FANCC: variants seen among roughly 807,000 people sequenced by gnomAD.
The protein encoded by FANCC is Fanconi anemia group C protein.
FANCC carries 55 observed loss-of-function variants against 71.3 expected under a neutral mutation model. The observed-to-expected ratio is 0.77, with a 90% CI of 0.62 to 0.97. The LOEUF (loss-of-function observed/expected upper bound fraction) is 0.97, where lower values mean the gene tolerates loss of function less well. Among genes scored for constraint, FANCC ranks in the 50% least tolerant of loss-of-function variants. The probability of loss-of-function intolerance (pLI) is 0.00; values close to 1 mark genes in which losing one functional copy is unlikely to be tolerated. For synonymous variants in FANCC, 275 were observed against 244.9 expected, an observed-to-expected ratio of 1.12 and a Z score of -1.15; for missense variants, 678 against 670.9, an observed-to-expected ratio of 1.01 and a Z score of -0.12.
intron 14 of FANCC, among the ~76,000 whole-genome samples, chr9:95,103,894 T>C (rs1209970238): frequency 6.6e-6 from 1 of 152,178 alleles, no homozygotes; most frequent in African/African-American, 2.4e-5. Context: ...GTGCAAGGGC[T>C]CTGAAGAGAG....
At chr9:95,205,653 C>T (rs1240033776) in intron 4 of FANCC, among the ~76,000 whole-genome samples, 1 of 151,810 alleles carries the variant, frequency 6.6e-6, no homozygotes, top group East Asian at 1.9e-4. Context: ...TAACTCCTCC[C>T]GAGAGAAACT....
intron 1 of FANCC, among the ~76,000 whole-genome samples, chr9:95,300,217 T>C (rs1215310693): frequency 1.3e-5 from 2 of 152,130 alleles, no homozygotes; most frequent in African/African-American, 4.8e-5. Flanking sequence ...ACTGAAAAAC[T>C]GGATCATGAA....
chr9:95,177,484 T>C (rs1332207307), intron 4 of FANCC, among the ~76,000 whole-genome samples: 4 of 152,196 alleles, frequency 2.6e-5, no homozygotes, highest in Admixed American at 6.5e-5. Context: ...AACTTGTTTC[T>C]TTCTTCAGCA....
chr9:95,207,061 AG>A lies in FANCC; in HGVS notation c.345+33587del, dbSNP rs141375012. ...CTCTGTAGGAGCCAAGATAATATCA[AG>A]TTTGTTTTTTTTAAAGGTCAAGTCA... On this transcript the variant is annotated intron_variant, in intron 4 of 14. Transcript: ENST00000289081. Among the ~76,000 whole-genome samples the A allele has an allele frequency of 1.4e-3, 216 of 152,242 alleles. 2 individuals carry two copies. Among genetic ancestry groups the A allele is most frequent in the Middle Eastern group, 6.8e-3 (2 of 294 alleles).
At chr9:95,105,522 T>TA (rs576260581) in intron 14 of FANCC, among the ~76,000 whole-genome samples, 4 of 152,220 alleles carry the variant, frequency 2.6e-5, no homozygotes, top group Non-Finnish European at 5.9e-5. Context: ...TAAATTGTGG[T>TA]AAAATATACA....
Position 95,100,636 on chromosome 9 carries a change from A to C in FANCC, c.*1071T>G, listed in dbSNP as rs55897369. On this transcript the variant is annotated 3_prime_UTR_variant, in exon 15 of 15. Transcript: ENST00000289081. ...ATGTTAACCTTGAGATTACACTAAC[A>C]ATGCCTTTTTTTAAGAGATGGTCTC... 229 of 229,834 alleles carry C rather than the reference A, an allele frequency of 1.0e-3. No individual in the cohort carries two copies. Among genetic ancestry groups the C allele is most frequent in the African/African-American group, 4.6e-3 (208 of 45,256 alleles). 14.2% of individuals were successfully genotyped at this position (229,834 alleles called of 1,614,324 possible).
At chr9:95,106,153 C>T (rs965670163) in intron 14 of FANCC, among the ~76,000 whole-genome samples, 11 of 152,192 alleles carry the variant, frequency 7.2e-5, no homozygotes, top group African/African-American at 2.2e-4. Context: ...TGCTGACAGC[C>T]ATCCTGATGG....
chr9:95,271,384 C>T (rs1056196946), intron 1 of FANCC, among the ~76,000 whole-genome samples: 1 of 152,122 alleles, frequency 6.6e-6, no homozygotes, highest in Non-Finnish European at 1.5e-5. Flanking sequence ...TAGGGTAGGC[C>T]ACATGCAACC....
At chr9:95,178,493 G>A (rs1384499655) in intron 4 of FANCC, among the ~76,000 whole-genome samples, 1 of 152,212 alleles carries the variant, frequency 6.6e-6, no homozygotes, top group African/African-American at 2.4e-5. Flanking sequence ...CCCCTAAAAC[G>A]ACCTTCCGGT....
chr9:95,104,953 G>A (rs1409309991), intron 14 of FANCC, among the ~76,000 whole-genome samples: 2 of 152,162 alleles, frequency 1.3e-5, no homozygotes, highest in East Asian at 1.9e-4. Flanking sequence ...TTTGTCTCTC[G>A]CGTCTGGCTT....
rs577814613 is a variant in FANCC, at chr9:95,224,625, C to T, written c.345+16024G>A. Among the ~76,000 whole-genome samples the T allele has an allele frequency of 2.0e-5, 3 of 152,242 alleles. 1 individual carries two copies. The South Asian group carries it at 6.2e-4, about 32-fold the overall frequency. On this transcript the variant is annotated intron_variant, in intron 4 of 14. Coordinates refer to ENST00000289081, the MANE Select transcript of FANCC (RefSeq NM_000136.3). ...ATCCATTAAACAACTCCCCTATCAC[C>T]CCCGCTCCCCAGCTTGTTCTACTTT...
intron 8 of FANCC, among the ~76,000 whole-genome samples, chr9:95,130,126 AGGCTCTTGTGCCC>A (rs1252438324): frequency 6.6e-6 from 1 of 152,208 alleles, no homozygotes; most frequent in African/African-American, 2.4e-5. Context: ...CAAATTACAC[AGGCTCTTGTGCCC>A]GGTCCTTGAT....
intron 1 of FANCC, among the ~76,000 whole-genome samples, chr9:95,270,126 A>G (rs1832635667): frequency 6.6e-6 from 1 of 152,160 alleles, no homozygotes; most frequent in Admixed American, 6.5e-5. Flanking sequence ...GGAGTCTCCT[A>G]TGTCTACTTC....
At position 95,240,267 on chromosome 9, in the gene FANCC, T is replaced by C. The variant is rs567388036; in HGVS notation, c.345+382A>G. 1.1e-4 allele frequency among the ~76,000 whole-genome samples: 16 copies of C among 152,260 alleles called. No individual in the cohort carries two copies. In the South Asian group the frequency reaches 2.9e-3, roughly 28 times the overall value. ...GCTGAATTTTCATTTCACTACAAAA[T>C]AGATTTTGAGAGAGGCATGGAAGCA... On this transcript the variant is annotated intron_variant, in intron 4 of 14. Transcript: ENST00000289081.
intron 1 of FANCC, chr9:95,292,594 C>T (rs1266924914): frequency 1.5e-5 from 22 of 1,459,140 alleles, no homozygotes; most frequent in Non-Finnish European, 2.1e-5. Context: ...ATCCTGTGCA[C>T]CGTGCGCGGC....
rs117956814 is a variant in FANCC at position 95,137,692 on chromosome 9, G to A, written c.687-2190C>T. ...CTTGAATATCCAAGGTGGAAGCTCC[G>A]GGAGAGGAATTGGCTGAAGGTACAC... On this transcript the variant is annotated intron_variant, in intron 7 of 14. Coordinates refer to ENST00000289081, the MANE Select transcript of FANCC (RefSeq NM_000136.3). Among the ~76,000 whole-genome samples, 523 of 152,330 alleles carry A rather than the reference G, an allele frequency of 3.4e-3. 2 individuals are homozygous for A. The highest frequency in any genetic ancestry group is 5.7e-3 in the Non-Finnish European group (388 of 68,030).
chr9:95,195,603 C>T (rs1331549345), intron 4 of FANCC, among the ~76,000 whole-genome samples: 1 of 152,202 alleles, frequency 6.6e-6, no homozygotes, highest in Non-Finnish European at 1.5e-5. Flanking sequence ...AGGGCTTGTG[C>T]TTTTCCCTAT....
At chr9:95,313,076 A>T (rs1341453103) in intron 1 of FANCC, among the ~76,000 whole-genome samples, 1 of 152,200 alleles carries the variant, frequency 6.6e-6, no homozygotes, top group East Asian at 1.9e-4. Flanking sequence ...AAGAGCCTGC[A>T]CTGGGGAAGA....
At chr9:95,222,407 T>G (rs147346390) in intron 4 of FANCC, among the ~76,000 whole-genome samples, 10 of 152,250 alleles carry the variant, frequency 6.6e-5, no homozygotes, top group African/African-American at 9.6e-5. Flanking sequence ...TATATTATTA[T>G]GTTTATATGA....
Sources: gnomAD v4.1 joint callset for allele counts (sites outside exome capture counted in the v4.1 genomes callset) on GRCh38, gnomAD v4.1.1 for gene constraint, MANE v1.5 for transcripts, NCBI Gene and HGNC (gene_info 2026-07-23, HGNC 2026-07-21) for gene names.